The following NALCN variants were observed in gnomAD, a reference collection of about 807,000 sequenced individuals.
The protein encoded by NALCN is sodium leak channel, non-selective, also known as sodium leak channel NALCN.
A neutral mutation model predicts 225.3 loss-of-function variants in NALCN; 111 were observed. The observed-to-expected ratio is 0.49, with a 90% CI of 0.42 to 0.58. The LOEUF is 0.58. Among genes scored for constraint, NALCN ranks in the 20% least tolerant of loss-of-function variants. The pLI is 0.00. For synonymous variants in NALCN, 764 were observed against 769.0 expected (o/e 0.99, Z 0.11); for missense variants, 1,378 against 2,202.4 (o/e 0.63, Z 7.49).
intron 13 of NALCN, among the ~76,000 whole-genome samples, chr13:101,199,482 A>C (rs994222204): frequency 2.6e-5 from 4 of 151,826 alleles, no homozygotes; most frequent in African/African-American, 9.7e-5. Flanking sequence ...AAAAATGATG[A>C]GTTCATGTCC....
intron 39 of NALCN, among the ~76,000 whole-genome samples, chr13:101,066,910 C>T (rs1040328187): frequency 1.3e-5 from 2 of 152,118 alleles, no homozygotes; most frequent in African/African-American, 4.8e-5. Flanking sequence ...CATGAGGTCC[C>T]ACAGCACCCC....
At chr13:101,388,708 T>C (rs1269944639) in intron 3 of NALCN, among the ~76,000 whole-genome samples, 1 of 152,252 alleles carries the variant, frequency 6.6e-6, no homozygotes, top group Non-Finnish European at 1.5e-5. Flanking sequence ...ACTATCATTT[T>C]AGTGATGTGA....
Position 101,104,769 on chromosome 13 carries a change from C to A in NALCN, c.2637-119G>T. ...ACTGGTATTTTAAAAACATCATTCC[C>A]CAATCATCTATTTCATAGCACTATA... On this transcript the variant is annotated intron_variant, in intron 23 of 43. Transcript: ENST00000251127. This position sits in a 1 kb window ranked among gnomAD's most constrained non-coding sequence, Gnocchi z 4.2. 1.3e-6 allele frequency: 2 copies of A among 1,548,950 alleles called. No individual in the cohort carries two copies. The highest frequency in any genetic ancestry group is 1.8e-6 in the Non-Finnish European group (2 of 1,131,686).
chr13:101,163,291 G>C (rs2038277907), intron 15 of NALCN, among the ~76,000 whole-genome samples: 1 of 152,130 alleles, frequency 6.6e-6, no homozygotes, highest in Admixed American at 6.6e-5. Context: ...CACAATTAAA[G>C]AATGATACAA....
intron 11 of NALCN, among the ~76,000 whole-genome samples, chr13:101,250,582 A>G (rs926096490): frequency 6.6e-6 from 1 of 152,042 alleles, no homozygotes; most frequent in Non-Finnish European, 1.5e-5. Context: ...TCAAGTCCTT[A>G]TCTCATTCCA....
chr13:101,382,015 G>A (rs969941949), intron 3 of NALCN, among the ~76,000 whole-genome samples: 5 of 152,108 alleles, frequency 3.3e-5, no homozygotes, highest in Admixed American at 2.0e-4. Context: ...GTACATATTA[G>A]GCAGGAAAAG....
intron 3 of NALCN, among the ~76,000 whole-genome samples, chr13:101,392,134 T>C (rs1025487302): frequency 2.6e-5 from 4 of 152,034 alleles, no homozygotes; most frequent in Non-Finnish European, 5.9e-5. Flanking sequence ...CGGGAACTGA[T>C]ACCAAACTTT....
chr13:101,125,456 C>T (rs1347383501), intron 17 of NALCN, among the ~76,000 whole-genome samples: 1 of 152,026 alleles, frequency 6.6e-6, no homozygotes, highest in Non-Finnish European at 1.5e-5. Context: ...GTAATTGAGA[C>T]CTGTTCATTT....
chr13:101,263,301 A>T (rs1486952116), intron 10 of NALCN, among the ~76,000 whole-genome samples: 1 of 152,252 alleles, frequency 6.6e-6, no homozygotes, highest in Admixed American at 6.5e-5. Context: ...ACTGACCTTC[A>T]TAACACAGAT....
At chr13:101,394,038 A>G (rs1285452186) in intron 3 of NALCN, among the ~76,000 whole-genome samples, 1 of 152,198 alleles carries the variant, frequency 6.6e-6, no homozygotes, top group African/African-American at 2.4e-5. Flanking sequence ...AGAAAATTTT[A>G]TCAGTCACCA....
intron 7 of NALCN, among the ~76,000 whole-genome samples, chr13:101,335,696 A>G (rs1209514149): frequency 6.7e-6 from 1 of 149,106 alleles, no homozygotes; most frequent in Non-Finnish European, 1.5e-5. Flanking sequence ...CATCAGAAAA[A>G]CCCCTTGGTG....
chr13:101,113,207 C>T (rs569860774), intron 18 of NALCN, among the ~76,000 whole-genome samples: 1 of 152,216 alleles, frequency 6.6e-6, no homozygotes, highest in Admixed American at 6.5e-5. Context: ...ACAAGGAGAC[C>T]ACTGGCCACA....
At chr13:101,220,111 G>T (rs1176261982) in intron 13 of NALCN, among the ~76,000 whole-genome samples, 1 of 152,152 alleles carries the variant, frequency 6.6e-6, no homozygotes, top group African/African-American at 2.4e-5. Context: ...AAACATTGCT[G>T]GGAGGCAGCC....
rs747796040 is a variant in NALCN, at chr13:101,095,697, A to G, written c.3163-17T>C. On this transcript the variant is annotated splice_polypyrimidine_tract_variant and intron_variant, in intron 27 of 43. Transcript: ENST00000251127. ...GCAATCTTCCTAAAGTAGAAAAACA[A>G]GAGGAGAGGGGAAACCTGGTCAGAA... 5.0e-6 allele frequency: 8 copies of G among 1,586,152 alleles called. No homozygotes were observed. Among genetic ancestry groups the G allele is most frequent in the Non-Finnish European group, 6.9e-6 (8 of 1,158,866 alleles).
chr13:101,179,267 C>T (rs1033094421), intron 14 of NALCN, among the ~76,000 whole-genome samples: 2 of 152,026 alleles, frequency 1.3e-5, no homozygotes, highest in Non-Finnish European at 2.9e-5. Flanking sequence ...TCGGTGCTCT[C>T]GTTTGTAAAA....
At position 101,059,981 on chromosome 13, in the gene NALCN, A is replaced by ATTGT. The variant is rs750834043; in HGVS notation, c.4756-18_4756-15dup. The ATTGT allele has an allele frequency of 6.2e-7, 1 of 1,613,476 alleles. No homozygotes were observed. The highest frequency in any genetic ancestry group is 8.5e-7 in the Non-Finnish European group (1 of 1,179,744). On this transcript the variant is annotated splice_polypyrimidine_tract_variant and intron_variant, in intron 41 of 43. Transcript: ENST00000251127. Reference sequence around the variant, plus strand: ...CTGCTGCTGTTTCTATGGAAATGCGATTGTTTGTTCAGTAAAATAAGCCCA... The same window carrying ATTGT: ...CTGCTGCTGTTTCTATGGAAATGCGATTGTTTGTTTGTTCAGTAAAATAAGCCCA...
At chr13:101,375,820 A>C (rs2046673454) in intron 6 of NALCN, among the ~76,000 whole-genome samples, 1 of 152,078 alleles carries the variant, frequency 6.6e-6, no homozygotes, top group South Asian at 2.1e-4. Context: ...TATCTGTTGC[A>C]CTTCTGGGTT....
chr13:101,257,215 T>A (rs1318038274), intron 11 of NALCN, among the ~76,000 whole-genome samples: 4 of 150,424 alleles, frequency 2.7e-5, no homozygotes, highest in Non-Finnish European at 1.5e-5. Flanking sequence ...TATTGTTTTT[T>A]TTTTTTTTTT....
chr13:101,335,649 G>A (rs1009293965), intron 7 of NALCN, among the ~76,000 whole-genome samples: 1 of 150,712 alleles, frequency 6.6e-6, no homozygotes, highest in African/African-American at 2.4e-5. Context: ...AAATCAATAA[G>A]TAATTCCTAT....
Sources: gnomAD v4.1 joint callset for allele counts (sites outside exome capture counted in the v4.1 genomes callset) on GRCh38, gnomAD v4.1.1 for gene constraint, Gnocchi (gnomAD v3.1) non-coding constraint, MANE v1.5 for transcripts, NCBI Gene and HGNC (gene_info 2026-07-23, HGNC 2026-07-21) for gene names.